Variants in DNAH14 observed in about 807,000 individuals in gnomAD.
DNAH14 encodes the protein axonemal beta dynein heavy chain 14.
In DNAH14, 478 loss-of-function variants were observed where a neutral mutation model predicts 520.9. The observed-to-expected ratio is 0.92, with a 90% CI of 0.85 to 0.99. DNAH14 has a LOEUF of 0.99. DNAH14 is among the 50% of genes least tolerant of loss of function. The pLI is 0.00. For synonymous variants in DNAH14, 1,581 were observed against 1,757.2 expected (o/e 0.90, Z 2.51); for missense variants, 4,831 against 5,234.5 (o/e 0.92, Z 2.38).
At chr1:225,347,257 A>G (rs1416567597) in intron 71 of DNAH14, among the ~76,000 whole-genome samples, 2 of 152,210 alleles carry the variant, frequency 1.3e-5, no homozygotes, top group African/African-American at 2.4e-5. Context: ...TACCAAGTTA[A>G]CAACAATATA....
chr1:225,228,237 G>A (rs933156713), intron 41 of DNAH14, among the ~76,000 whole-genome samples: 4 of 152,102 alleles, frequency 2.6e-5, no homozygotes, highest in Non-Finnish European at 5.9e-5. Flanking sequence ...TAGATAACTT[G>A]GCCAAAAATG....
intron 17 of DNAH14, among the ~76,000 whole-genome samples, chr1:225,071,588 C>A (rs952502785): frequency 2.0e-5 from 3 of 152,040 alleles, no homozygotes; most frequent in African/African-American, 7.2e-5. Context: ...GGTGACCTGG[C>A]CTTTCTAGCT....
chr1:225,118,076 T>A (rs541461192), intron 25 of DNAH14, 77 bp downstream of exon 25: 1 of 1,167,254 alleles, frequency 8.6e-7, no homozygotes, highest in African/African-American at 1.5e-5. Context: ...ATTTTTGATA[T>A]ATTATAAAAG....
intron 55 of DNAH14, among the ~76,000 whole-genome samples, chr1:225,297,501 A>G (rs2094036058): frequency 6.6e-6 from 1 of 152,070 alleles, no homozygotes; most frequent in Non-Finnish European, 1.5e-5. Context: ...TTCCAACTTT[A>G]TGGAGTAGCT....
At chr1:225,029,755 C>T (rs1214789581) in intron 11 of DNAH14, among the ~76,000 whole-genome samples, 1 of 151,854 alleles carries the variant, frequency 6.6e-6, no homozygotes, top group African/African-American at 2.4e-5. Flanking sequence ...GTATCATATA[C>T]CCTACAGAAC....
intron 1 of DNAH14, among the ~76,000 whole-genome samples, chr1:224,949,691 C>T (rs2060050802): frequency 1.3e-5 from 2 of 152,114 alleles, no homozygotes; most frequent in African/African-American, 4.8e-5. Context: ...TAATCCCTCT[C>T]TTGTATAAAC....
At chr1:224,974,025 C>T in intron 7 of DNAH14, 66 bp from the exon 8 acceptor site, 1 of 1,091,096 alleles carries the variant, frequency 9.2e-7, no homozygotes, top group Non-Finnish European at 1.2e-6. Flanking sequence ...TAAGCTTTTA[C>T]TAAATTTATT....
At chr1:225,200,835 C>T (rs920078588) in intron 38 of DNAH14, among the ~76,000 whole-genome samples, 20 of 152,172 alleles carry the variant, frequency 1.3e-4, no homozygotes, top group Middle Eastern at 6.8e-3. Flanking sequence ...AGTGTGCCTA[C>T]GCGATGATCT....
intron 36 of DNAH14, among the ~76,000 whole-genome samples, chr1:225,173,034 G>T (rs993026718): frequency 1.3e-4 from 20 of 152,160 alleles, no homozygotes; most frequent in Non-Finnish European, 2.4e-4. Context: ...AATAAATGGT[G>T]CTGGGAAAAC....
intron 79 of DNAH14, among the ~76,000 whole-genome samples, chr1:225,379,506 T>C (rs1173755629): frequency 6.6e-6 from 1 of 152,022 alleles, no homozygotes; most frequent in Non-Finnish European, 1.5e-5. Context: ...TTTCTTTTAT[T>C]TTATTTTCCT....
At chr1:225,211,726 C>A (rs1178822059) in intron 41 of DNAH14, among the ~76,000 whole-genome samples, 2 of 152,042 alleles carry the variant, frequency 1.3e-5, no homozygotes, top group South Asian at 4.2e-4. Flanking sequence ...GAAAAAAAAT[C>A]TTAAGGGCAA....
At chr1:225,304,132 A>C (rs535068924) in intron 57 of DNAH14, among the ~76,000 whole-genome samples, 1 of 152,344 alleles carries the variant, frequency 6.6e-6, no homozygotes, top group African/African-American at 2.4e-5. Context: ...CCAGGCAAAG[A>C]GAATATTCTT....
In DNAH14 at chr1:225,380,234, G is replaced by T; in HGVS notation, c.12792G>T (p.Glu4264Asp). Residue 4264 changes from glutamate to aspartate, a missense_variant, in exon 80 of 86, where the codon GAG (glutamate) becomes GAT (aspartate). Coordinates refer to ENST00000682510, the MANE Select transcript of DNAH14 (RefSeq NM_001367479.1). ...DLLKRLPLTV[E>D]KEEIAVGTPS... Reference sequence around the variant, plus strand: ...TAAAGCGGCTGCCACTGACAGTGGAGAAAGAAGAAATTGCTGTTGGAACTC... The same window carrying T: ...TAAAGCGGCTGCCACTGACAGTGGATAAAGAAGAAATTGCTGTTGGAACTC... 6.4e-7 allele frequency: 1 copy of T among 1,551,688 alleles called. No individual in the cohort carries two copies. The highest frequency in any genetic ancestry group is 8.7e-7 in the Non-Finnish European group (1 of 1,146,976).
chr1:225,231,582 A>C (rs2091115860), intron 42 of DNAH14, among the ~76,000 whole-genome samples: 1 of 152,176 alleles, frequency 6.6e-6, no homozygotes, highest in Non-Finnish European at 1.5e-5. Context: ...GTAAATTATT[A>C]GTTGTACATC....
chr1:224,988,362 T>C (rs2062800549), intron 8 of DNAH14, among the ~76,000 whole-genome samples: 1 of 152,092 alleles, frequency 6.6e-6, no homozygotes, highest in Non-Finnish European at 1.5e-5. Flanking sequence ...CAGTGAACAT[T>C]CATGAAAAAG....
intron 37 of DNAH14, among the ~76,000 whole-genome samples, chr1:225,186,508 T>C (rs1035127670): frequency 3.3e-5 from 5 of 151,838 alleles, no homozygotes; most frequent in Admixed American, 1.3e-4. Flanking sequence ...TAAAAACAGT[T>C]TTTTAAGTAC....
chr1:225,201,057 C>CTTA (rs1359786320), intron 38 of DNAH14, among the ~76,000 whole-genome samples: 1 of 151,138 alleles, frequency 6.6e-6, no homozygotes, highest in African/African-American at 2.4e-5. Context: ...ATATTTTCTT[C>CTTA]TTATTATTAT....
intron 41 of DNAH14, among the ~76,000 whole-genome samples, chr1:225,229,579 T>A (rs4653414): frequency 0.24 from 36,579 of 152,132 alleles, 5,361 homozygotes; most frequent in Non-Finnish European, 0.32. Flanking sequence ...CATGGAATAC[T>A]ATGCAGCCAT....
intron 34 of DNAH14, among the ~76,000 whole-genome samples, chr1:225,154,495 G>A (rs944749488): frequency 1.3e-5 from 2 of 152,186 alleles, no homozygotes; most frequent in East Asian, 1.9e-4. Context: ...TTAAAACACT[G>A]TGGTACTGGC....
Sources: gnomAD v4.1 joint callset for allele counts (sites outside exome capture counted in the v4.1 genomes callset) on GRCh38, gnomAD v4.1.1 for gene constraint, MANE v1.5 for transcripts, NCBI Gene and HGNC (gene_info 2026-07-23, HGNC 2026-07-21) for gene names.